Variants in ZNF558 observed in about 807,000 individuals in gnomAD.
ZNF558 encodes zinc finger protein 558.
A neutral mutation model predicts 37.6 loss-of-function variants in ZNF558; 23 were observed. The observed-to-expected ratio is 0.61, with a 90% CI of 0.44 to 0.87. ZNF558 has a LOEUF of 0.87. Among genes scored for constraint, ZNF558 ranks in the 40% least tolerant of loss-of-function variants. The probability of loss-of-function intolerance (pLI) is 0.00; values close to 1 mark genes in which losing one functional copy is unlikely to be tolerated. For synonymous variants in ZNF558, 189 were observed against 174.4 expected (o/e 1.08, Z -0.66); for missense variants, 429 against 483.7 (o/e 0.89, Z 1.06).
chr19:8,832,746 C>T (rs2044393140), upstream of ZNF558, among the ~76,000 whole-genome samples: 2 of 150,476 alleles, frequency 1.3e-5, no homozygotes, highest in African/African-American at 4.9e-5. Flanking sequence ...GCTTCTAGAG[C>T]GGGGATGACT....
At chr19:8,836,162 G>T (rs1387294692), upstream of ZNF558, among the ~76,000 whole-genome samples, 1 of 152,082 alleles carries the variant, frequency 6.6e-6, no homozygotes, top group Admixed American at 6.6e-5. Context: ...TATTATGGTA[G>T]CTCAATAAAG....
chr19:8,811,582 T>C lies in ZNF558; in HGVS notation c.908A>G (p.Lys303Arg). The part of the protein sequence containing the change: ...ECHDCGKTFR[K>R]SSYLTQHVRT... ...TACGTGCTGTGTCAGATAGGAGCTC[T>C]TCCTGAAGGTTTTCCCACAATCGTG... Residue 303 changes from lysine (K) to arginine (R), a missense_variant, in exon 10 of 10, where the codon AAG becomes AGG. Coordinates refer to ENST00000601372, the MANE Select transcript of ZNF558 (RefSeq NM_144693.3). The C allele has an allele frequency of 6.2e-7, 1 of 1,614,124 alleles. No homozygotes were observed.
At position 8,812,742 on chromosome 19, in the gene ZNF558, G is replaced by A; in HGVS notation, c.344-99C>T. 4 of 673,134 alleles carry A rather than the reference G, an allele frequency of 5.9e-6. No homozygotes were observed. The South Asian group carries it at 1.0e-4, about 17-fold the overall frequency. 41.7% of individuals were successfully genotyped at this position (673,134 alleles called of 1,614,324 possible). A position where few individuals can be genotyped will look rare whatever the true frequency, so the allele number is the denominator to read the frequency against. ...ATTCTGAGGGATCAGGGTTTTTGAG[G>A]ATGTTTGCAACAAAGAGGATTTGGT... On this transcript the variant is annotated intron_variant, in intron 8 of 9. Coordinates refer to ENST00000601372, the MANE Select transcript of ZNF558 (RefSeq NM_144693.3).
upstream of ZNF558, chr19:8,833,378 AAGTC>A (rs2044409171): frequency 1.3e-5 from 2 of 152,180 alleles, no homozygotes; most frequent in African/African-American, 4.8e-5. Context: ...GAATGGTACA[AAGTC>A]AGTCAAATAT....
Position 8,822,832 on chromosome 19 carries a change from C to T in ZNF558, c.-65-108G>A, listed in dbSNP as rs2044128735. 4.1e-6 allele frequency: 4 copies of T among 976,256 alleles called. No homozygotes were observed. The highest frequency in any genetic ancestry group is 6.1e-6 in the Non-Finnish European group (4 of 657,136). The allele number at this position is 976,256 out of a possible 1,614,324, so 60.5% of individuals were successfully genotyped here. A position where few individuals can be genotyped will look rare whatever the true frequency, so the allele number is the denominator to read the frequency against. ...TCCCATCCTTCTTCAAATGCAAGTT[C>T]CGGCTTCCACACTGGGCCTTTATTT... On this transcript the variant is annotated intron_variant, in intron 4 of 9. Coordinates refer to ENST00000601372, the MANE Select transcript of ZNF558 (RefSeq NM_144693.3). The surrounding 1 kb of genome is among the most constrained non-coding windows in gnomAD (Gnocchi z 4.4).
chr19:8,834,133 A>G (rs1462929401), upstream of ZNF558, among the ~76,000 whole-genome samples: 1 of 152,224 alleles, frequency 6.6e-6, no homozygotes, highest in Non-Finnish European at 1.5e-5. Context: ...TGTTTCATGC[A>G]CCCGTCCTTT....
At chr19:8,819,178 A>G (rs2044018206) in intron 7 of ZNF558, among the ~76,000 whole-genome samples, 1 of 152,198 alleles carries the variant, frequency 6.6e-6, no homozygotes, top group Non-Finnish European at 1.5e-5. Flanking sequence ...AGACTTCATC[A>G]CAATTAAAAT....
In ZNF558 at chr19:8,808,370, C is replaced by T. The variant is rs1200064001; in HGVS notation, c.*2911G>A. ...ATTATTAATGCATTACAATACTTTG[C>T]TATGTAAAAATATCATCTCCACATA... On this transcript the variant is annotated 3_prime_UTR_variant, in exon 10 of 10. Transcript: ENST00000601372. 2.1e-5 allele frequency: 3 copies of T among 145,206 alleles called. No homozygotes were observed. In the Admixed American group the frequency reaches 2.1e-4, roughly 10 times the overall value. 9.0% of individuals were successfully genotyped at this position (145,206 alleles called of 1,614,324 possible). A position where few individuals can be genotyped will look rare whatever the true frequency, so the allele number is the denominator to read the frequency against.
rs1393584470 is a variant in ZNF558 at position 8,810,839 on chromosome 19, G to T, written c.*442C>A. On this transcript the variant is annotated 3_prime_UTR_variant, in exon 10 of 10. Coordinates refer to ENST00000601372, the MANE Select transcript of ZNF558 (RefSeq NM_144693.3). ...AAAAGCCATTTTGGCCTCTGTATTG[G>T]TCCTCTCTTGGATCACTAACCTTGG... 1 of 160,652 alleles carries T rather than the reference G, an allele frequency of 6.2e-6. No homozygotes were observed. The highest frequency in any genetic ancestry group is 2.4e-5 in the African/African-American group (1 of 41,512). 10.0% of individuals were successfully genotyped at this position (160,652 alleles called of 1,614,324 possible).
Position 8,811,815 on chromosome 19 carries a change from C to A in ZNF558, c.675G>T (p.Leu225=), listed in dbSNP as rs569419168. The A allele has an allele frequency of 6.2e-7, 1 of 1,614,142 alleles. No individual in the cohort carries two copies. The highest frequency in any genetic ancestry group is 2.2e-5 in the East Asian group (1 of 44,880). The part of the protein sequence containing the change: ...KAFSDPSSLR[L]HLRIHTGEKP... ...TTTCTCCAGTGTGAATTCTCAAATG[C>A]AGTCTAAGGGATGAGGGATCACTAA... The change falls in exon 10 of 10, where the codon CTG becomes CTT. Residue 225 remains leucine, a synonymous_variant. Coordinates refer to ENST00000601372, the MANE Select transcript of ZNF558 (RefSeq NM_144693.3).
chr19:8,818,737 T>C (rs527554808), intron 7 of ZNF558, among the ~76,000 whole-genome samples: 5 of 152,070 alleles, frequency 3.3e-5, no homozygotes, highest in South Asian at 4.2e-4. Flanking sequence ...GACAGATACA[T>C]AGACCAATGG....
At chr19:8,821,608 G>C (rs1444610363) in intron 6 of ZNF558, 1 of 1,347,636 alleles carries the variant, frequency 7.4e-7, no homozygotes, top group Admixed American at 3.3e-5. Context: ...CTCAGACTGG[G>C]AGCTCCTGTG....
chr19:8,812,431 C>A (rs1268003519), intron 9 of ZNF558, 130 bp downstream of exon 9: 2 of 578,278 alleles, frequency 3.5e-6, no homozygotes, highest in African/African-American at 1.9e-5. Context: ...CAGTGTCTCT[C>A]CAGGAACACA....
At chr19:8,821,917 C>G in intron 6 of ZNF558, 86 bp downstream of exon 6, 1 of 1,574,064 alleles carries the variant, frequency 6.4e-7, no homozygotes, top group Admixed American at 1.7e-5. Flanking sequence ...CTGGTTTGGC[C>G]ATGAGGCTCC....
At chr19:8,827,069 AT>A in intron 2 of ZNF558, among the ~76,000 whole-genome samples, 1 of 152,106 alleles carries the variant, frequency 6.6e-6, no homozygotes, top group East Asian at 1.9e-4. Context: ...TACCTGGGAC[AT>A]TTTCAGGCCC....
intron 2 of ZNF558, among the ~76,000 whole-genome samples, chr19:8,830,241 C>A (rs1359907232): frequency 1.3e-5 from 2 of 152,142 alleles, no homozygotes; most frequent in Non-Finnish European, 2.9e-5. Flanking sequence ...CCCCGCCATG[C>A]AGAACTGAGT....
At chr19:8,815,156 A>C (rs1428586518) in intron 7 of ZNF558, among the ~76,000 whole-genome samples, 2 of 152,216 alleles carry the variant, frequency 1.3e-5, no homozygotes, top group Non-Finnish European at 2.9e-5. Flanking sequence ...TCAGAAGTTC[A>C]AACACTGGAC....
In ZNF558 at chr19:8,811,244, T is replaced by TA; in HGVS notation, c.*36_*37insT. 1 of 1,514,590 alleles carries TA rather than the reference T, an allele frequency of 6.6e-7. No homozygotes were observed. The highest frequency in any genetic ancestry group is 8.8e-7 in the Non-Finnish European group (1 of 1,130,084). The allele number at this position is 1,514,590 out of a possible 1,614,324, so 93.8% of individuals were successfully genotyped here. Reference sequence around the variant, plus strand: ...CTCAAACTATCTTAGGGATGAAAGATCAATGAGTGCTTTCCTCCAGAAGTT... The same window carrying TA: ...CTCAAACTATCTTAGGGATGAAAGATACAATGAGTGCTTTCCTCCAGAAGTT... On this transcript the variant is annotated 3_prime_UTR_variant, in exon 10 of 10. Coordinates refer to ENST00000601372, the MANE Select transcript of ZNF558 (RefSeq NM_144693.3).
intron 4 of ZNF558, 52 bp downstream of exon 4, chr19:8,824,030 C>T (rs368721771): frequency 1.3e-5 from 2 of 152,724 alleles, no homozygotes; most frequent in East Asian, 1.9e-4. Flanking sequence ...TCCCAGCCTC[C>T]CGGTGCTCAC....
Sources: allele counts gnomAD v4.1 joint callset (sites outside exome capture counted in the v4.1 genomes callset), GRCh38; gene constraint gnomAD v4.1.1; non-coding constraint Gnocchi (gnomAD v3.1); transcripts MANE v1.5; gene names NCBI Gene and HGNC (gene_info 2026-07-23, HGNC 2026-07-21).